PRKN: variants seen among roughly 807,000 people sequenced by gnomAD.
The protein encoded by PRKN is parkin RBR E3 ubiquitin protein ligase.
In PRKN, 56 loss-of-function variants were observed where a neutral mutation model predicts 59.5. The observed-to-expected ratio is 0.94, with a 90% confidence interval of 0.76 to 1.18. The LOEUF is 1.18. PRKN is among the 50% of genes most tolerant of loss of function. The pLI is 0.00. For missense variants in PRKN, 657 were observed against 596.4 expected (o/e 1.10, Z -1.06); for synonymous variants, 250 against 222.1 (o/e 1.13, Z -1.12).
intron 1 of PRKN, among the ~76,000 whole-genome samples, chr6:162,508,542 C>T (rs1793703769): frequency 6.6e-6 from 1 of 152,158 alleles, no homozygotes; most frequent in Non-Finnish European, 1.5e-5. Context: ...TTGAAGAAAG[C>T]AACAGCATCT....
chr6:162,441,641 G>T (rs1031439711), intron 2 of PRKN, among the ~76,000 whole-genome samples: 4 of 151,968 alleles, frequency 2.6e-5, no homozygotes, highest in Non-Finnish European at 4.4e-5. Flanking sequence ...TCGGTTTTAG[G>T]GCTCATAAAT....
At chr6:161,837,648 C>T (rs552225812) in intron 6 of PRKN, among the ~76,000 whole-genome samples, 76 of 150,656 alleles carry the variant, frequency 5.0e-4, no homozygotes, top group Non-Finnish European at 7.5e-4. Context: ...TAGCCAGCAG[C>T]GAATGTTTAT....
At chr6:162,469,185 A>G (rs1791583833) in intron 1 of PRKN, among the ~76,000 whole-genome samples, 1 of 152,114 alleles carries the variant, frequency 6.6e-6, no homozygotes, top group Non-Finnish European at 1.5e-5. Context: ...TGCTCAGACC[A>G]CACTTAAGAC....
intron 2 of PRKN, among the ~76,000 whole-genome samples, chr6:162,339,478 C>T (rs1424525531): frequency 6.9e-6 from 1 of 144,004 alleles, no homozygotes; most frequent in East Asian, 2.1e-4. Context: ...GTGAGGAGCC[C>T]CTCTGCCCGG....
At chr6:162,240,562 T>C (rs902792882) in intron 3 of PRKN, among the ~76,000 whole-genome samples, 1 of 152,132 alleles carries the variant, frequency 6.6e-6, no homozygotes, top group East Asian at 1.9e-4. Context: ...GCATATTTAA[T>C]AAATATAGAA....
chr6:161,773,176 T>C (rs1380833646), intron 7 of PRKN, among the ~76,000 whole-genome samples: 3 of 152,202 alleles, frequency 2.0e-5, no homozygotes, highest in African/African-American at 4.8e-5. Context: ...AGGTTTTCTA[T>C]AACTATGCAA....
Position 161,552,776 on chromosome 6 carries a change from G to A in PRKN, c.934-3773C>T, listed in dbSNP as rs1226716859. 7.5e-6 allele frequency among the ~76,000 whole-genome samples: 1 copy of A among 132,516 alleles called. No individual in the cohort carries two copies. Among genetic ancestry groups the A allele is most frequent in the Non-Finnish European group, 1.7e-5 (1 of 60,502 alleles). The allele number at this position is 132,516 out of a possible 152,430, so 86.9% of individuals were successfully genotyped here. ...TCACCCCTTCCTAAAAGACACCATG[G>A]TTTTGTTGTTGTTTTTGTTTTTTGT... On this transcript the variant is annotated intron_variant, in intron 8 of 11. Coordinates refer to ENST00000366898, the MANE Select transcript of PRKN (RefSeq NM_004562.3). This position sits in a 1 kb window ranked among gnomAD's most constrained non-coding sequence, Gnocchi z 4.9.
At chr6:161,531,910 A>G (rs1013828204) in intron 9 of PRKN, among the ~76,000 whole-genome samples, 1 of 152,166 alleles carries the variant, frequency 6.6e-6, no homozygotes, top group Non-Finnish European at 1.5e-5. Flanking sequence ...AATGGATCCC[A>G]CTTTTAGGGA....
intron 2 of PRKN, among the ~76,000 whole-genome samples, chr6:162,366,804 C>T (rs1785463320): frequency 6.6e-6 from 1 of 152,076 alleles, no homozygotes; most frequent in Admixed American, 6.5e-5. Context: ...GAGGCTGAGA[C>T]AGGAGAATAG....
At chr6:162,465,522 A>T (rs541594356) in intron 1 of PRKN, among the ~76,000 whole-genome samples, 1 of 152,350 alleles carries the variant, frequency 6.6e-6, no homozygotes, top group South Asian at 2.1e-4. Flanking sequence ...ATAGGATGTC[A>T]GAAGAAGCAG....
intron 1 of PRKN, among the ~76,000 whole-genome samples, chr6:162,672,934 T>C (rs1210259078): frequency 6.6e-6 from 1 of 152,184 alleles, no homozygotes; most frequent in Non-Finnish European, 1.5e-5. Flanking sequence ...AGAATATATC[T>C]TACAGAAAAG....
chr6:162,193,858 A>G (rs1335148487), intron 4 of PRKN, among the ~76,000 whole-genome samples: 2 of 152,186 alleles, frequency 1.3e-5, no homozygotes, highest in Non-Finnish European at 2.9e-5. Context: ...CTGTTGCAGA[A>G]GGGAGCAGGG....
At chr6:161,636,227 G>C (rs1192276325) in intron 7 of PRKN, among the ~76,000 whole-genome samples, 4 of 152,244 alleles carry the variant, frequency 2.6e-5, no homozygotes, top group African/African-American at 9.6e-5. Flanking sequence ...GGAGCCGCAT[G>C]TCCACTGCCC....
intron 5 of PRKN, among the ~76,000 whole-genome samples, chr6:162,019,810 G>A (rs2128274655): frequency 6.6e-6 from 1 of 152,284 alleles, no homozygotes; most frequent in South Asian, 2.1e-4. Context: ...CCTGAGGTCA[G>A]GAGCTCGAGA....
intron 6 of PRKN, among the ~76,000 whole-genome samples, chr6:161,887,287 T>G (rs146159251): frequency 9.2e-5 from 14 of 152,288 alleles, no homozygotes; most frequent in African/African-American, 3.4e-4. Flanking sequence ...ATTCACTCAA[T>G]GTATGACTTA....
At chr6:162,425,788 A>G (rs1789211135) in intron 2 of PRKN, among the ~76,000 whole-genome samples, 1 of 152,238 alleles carries the variant, frequency 6.6e-6, no homozygotes, top group Admixed American at 6.5e-5. Flanking sequence ...ATATTCTAGA[A>G]TTAGAGGAAA....
intron 4 of PRKN, among the ~76,000 whole-genome samples, chr6:162,127,754 G>A (rs1253607358): frequency 6.6e-6 from 1 of 152,162 alleles, no homozygotes; most frequent in Non-Finnish European, 1.5e-5. Context: ...CAAATTAAAA[G>A]AATCCTTTGA....
intron 1 of PRKN, chr6:162,569,248 C>A (rs1165489577): frequency 3.4e-6 from 2 of 581,154 alleles, no homozygotes; most frequent in African/African-American, 1.9e-5. Context: ...CTGAGGGCCT[C>A]AAAAGCCAGA....
At chr6:162,069,167 AG>A (rs1278300526) in intron 4 of PRKN, among the ~76,000 whole-genome samples, 1 of 152,082 alleles carries the variant, frequency 6.6e-6, no homozygotes, top group Non-Finnish European at 1.5e-5. Context: ...ACCTAGAAGG[AG>A]GTAATAGAAT....
Sources: allele counts gnomAD v4.1 joint callset (sites outside exome capture counted in the v4.1 genomes callset), GRCh38; gene constraint gnomAD v4.1.1; non-coding constraint Gnocchi (gnomAD v3.1); transcripts MANE v1.5; gene names NCBI Gene and HGNC (gene_info 2026-07-23, HGNC 2026-07-21).